The following MAP2K3 variants were observed in gnomAD, a reference collection of about 807,000 sequenced individuals.
MAP2K3 encodes dual specificity mitogen-activated protein kinase kinase 3.
Under a neutral mutation model 46.4 loss-of-function variants are expected in MAP2K3, and 30 were observed. The observed-to-expected ratio is 0.65, with a 90% confidence interval of 0.48 to 0.88. The LOEUF is 0.88. MAP2K3 is among the 40% of genes least tolerant of loss of function. The pLI is 0.00. For missense variants in MAP2K3, 380 were observed against 464.5 expected (o/e 0.82, Z 1.67); for synonymous variants, 189 against 176.3 (o/e 1.07, Z -0.57).
intron 1 of MAP2K3, among the ~76,000 whole-genome samples, chr17:21,291,082 AAC>A (rs1469410529): frequency 6.6e-6 from 1 of 152,230 alleles, no homozygotes; most frequent in Non-Finnish European, 1.5e-5. Context: ...CTCTACTAAA[AAC>A]ACACAAAAAA....
intron 10 of MAP2K3, among the ~76,000 whole-genome samples, 193 bp from the exon 11 acceptor site, chr17:21,313,299 T>C (rs1977250484): frequency 1.3e-5 from 2 of 152,174 alleles, no homozygotes; most frequent in South Asian, 2.1e-4. Flanking sequence ...AGAAACTTGC[T>C]GCAAGTCTCT....
intron 1 of MAP2K3, among the ~76,000 whole-genome samples, chr17:21,288,320 A>G (rs901599628): frequency 1.3e-5 from 2 of 152,108 alleles, no homozygotes; most frequent in East Asian, 1.9e-4. Flanking sequence ...AACTTCCTCT[A>G]TTAGGCAAGG....
intron 7 of MAP2K3, among the ~76,000 whole-genome samples, 186 bp from the exon 8 acceptor site, chr17:21,304,240 G>A (rs920694382): frequency 5.2e-5 from 8 of 152,424 alleles, no homozygotes; most frequent in South Asian, 2.1e-4. Flanking sequence ...CAGCTGGCCC[G>A]GCACCTCTTG....
intron 9 of MAP2K3, among the ~76,000 whole-genome samples, chr17:21,308,359 G>T (rs1470757991): frequency 6.6e-6 from 1 of 152,422 alleles, no homozygotes; most frequent in Admixed American, 6.5e-5. Context: ...TGTTGGCCAG[G>T]CTGGTCTCAA....
intron 1 of MAP2K3, among the ~76,000 whole-genome samples, chr17:21,286,181 C>A (rs1975717610): frequency 6.6e-6 from 1 of 152,236 alleles, no homozygotes; most frequent in Non-Finnish European, 1.5e-5. Flanking sequence ...CTCAGCGTAG[C>A]ACCTGGCGCA....
At chr17:21,295,527 C>T (rs1976189694) in intron 1 of MAP2K3, 2 of 1,198,602 alleles carry the variant, frequency 1.7e-6, no homozygotes, top group Middle Eastern at 3.8e-4. Flanking sequence ...GGCTGCCTGG[C>T]CATCTGGGCC....
chr17:21,302,335 C>A, intron 6 of MAP2K3, 76 bp downstream of exon 6: 2 of 1,460,712 alleles, frequency 1.4e-6, no homozygotes, highest in Non-Finnish European at 9.6e-7. Context: ...AGGCATGGAG[C>A]CTGCCTATTG....
At chr17:21,296,471 A>G (rs564480565) in intron 1 of MAP2K3, among the ~76,000 whole-genome samples, 62 of 152,248 alleles carry the variant, frequency 4.1e-4, no homozygotes, top group African/African-American at 1.5e-3. Context: ...CTTGTTGAGC[A>G]CGAGACTTGG....
At chr17:21,292,992 T>TGAGAG (rs1212370117) in intron 1 of MAP2K3, among the ~76,000 whole-genome samples, 6 of 152,312 alleles carry the variant, frequency 3.9e-5, no homozygotes, top group Non-Finnish European at 8.8e-5. Context: ...AAGGGGTTGC[T>TGAGAG]GAGAGGATCA....
chr17:21,294,872 A>T (rs1166734341), intron 1 of MAP2K3, among the ~76,000 whole-genome samples: 1 of 152,310 alleles, frequency 6.6e-6, no homozygotes, highest in Non-Finnish European at 1.5e-5. Flanking sequence ...GCCTGAGGGC[A>T]CACAGCTAGG....
At chr17:21,298,783 G>C in intron 2 of MAP2K3, 95 bp from the exon 3 acceptor site, 3 of 1,574,564 alleles carry the variant, frequency 1.9e-6, no homozygotes, top group Non-Finnish European at 2.6e-6. Flanking sequence ...GAGGCACCTC[G>C]TCCCCACGCC....
intron 9 of MAP2K3, among the ~76,000 whole-genome samples, chr17:21,305,840 A>G (rs1265703255): frequency 1.3e-5 from 2 of 152,302 alleles, no homozygotes; most frequent in African/African-American, 4.8e-5. Flanking sequence ...GGACGATGCC[A>G]TCAGCAGGTC....
At position 21,290,773 on chromosome 17, in the gene MAP2K3, G is replaced by T. The variant is rs572225436; in HGVS notation, c.49+5804G>T. The stretch of plus-strand genomic sequence containing the variant: ...ACAACCAGCCTGGGCAACATAGGGA[G>T]AGCTCATCTCTACAAAAAACATAAA... On this transcript the variant is annotated intron_variant, in intron 1 of 11. Coordinates refer to ENST00000342679, the MANE Select transcript of MAP2K3 (RefSeq NM_145109.3). 1.0e-4 allele frequency among the ~76,000 whole-genome samples: 16 copies of T among 152,426 alleles called. No individual in the cohort carries two copies. In the South Asian group the frequency reaches 3.3e-3, roughly 32 times the overall value.
intron 9 of MAP2K3, among the ~76,000 whole-genome samples, chr17:21,305,907 G>A (rs1194694948): frequency 6.6e-6 from 1 of 152,310 alleles, no homozygotes. Context: ...GGAGTGTCCT[G>A]GGCGTCAGCT....
chr17:21,290,493 G>A (rs1410050189), intron 1 of MAP2K3, among the ~76,000 whole-genome samples: 232 of 151,810 alleles, frequency 1.5e-3, no homozygotes, highest in African/African-American at 5.3e-3. Context: ...TGGCAGGGCT[G>A]GTTCTAGGCC....
intron 1 of MAP2K3, among the ~76,000 whole-genome samples, chr17:21,291,960 G>A (rs1210157967): frequency 6.6e-6 from 1 of 152,312 alleles, no homozygotes; most frequent in African/African-American, 2.4e-5. Flanking sequence ...CAGAGAGGGA[G>A]TGTGGCTCGC....
At chr17:21,299,216 G>A (rs1443633469) in intron 3 of MAP2K3, among the ~76,000 whole-genome samples, 1 of 152,302 alleles carries the variant, frequency 6.6e-6, no homozygotes, top group Non-Finnish European at 1.5e-5. Flanking sequence ...CCTAGCCCTA[G>A]GGGAGAGTAT....
chr17:21,300,805 C>A, intron 4 of MAP2K3, 69 bp from the exon 5 acceptor site: 1 of 1,612,440 alleles, frequency 6.2e-7, no homozygotes, highest in South Asian at 1.1e-5. Flanking sequence ...GAGCTCCTGG[C>A]CCTCCTGTCA....
chr17:21,298,414 A>G lies in MAP2K3; in HGVS notation c.51A>G (p.Gly17=), dbSNP rs1029407665. The change falls in exon 2 of 12, where the codon GGA becomes GGG. Residue 17 remains glycine, a splice_region_variant and synonymous_variant. Coordinates refer to ENST00000342679, the MANE Select transcript of MAP2K3 (RefSeq NM_145109.3). The part of the protein sequence containing the change: ...SQPASMPQSK[G]KSKRKKDLRI... Reference sequence around the variant, plus strand: ...CGCCTCACCTTCTCTCCATTCTAGGAAAATCCAAGAGGAAGAAGGATCTAC... The same window carrying G: ...CGCCTCACCTTCTCTCCATTCTAGGGAAATCCAAGAGGAAGAAGGATCTAC... The G allele has an allele frequency of 6.2e-7, 1 of 1,614,194 alleles. No individual in the cohort carries two copies. Among genetic ancestry groups the G allele is most frequent in the Non-Finnish European group, 8.5e-7 (1 of 1,180,066 alleles).
Sources: allele counts gnomAD v4.1 joint callset (sites outside exome capture counted in the v4.1 genomes callset), GRCh38; gene constraint gnomAD v4.1.1; transcripts MANE v1.5; gene names NCBI Gene and HGNC (gene_info 2026-07-23, HGNC 2026-07-21).